ADGRL2: variants seen among roughly 807,000 people sequenced by gnomAD.
ADGRL2 encodes the protein adhesion G protein-coupled receptor L2, also known as calcium-independent alpha-latrotoxin receptor 2.
In ADGRL2, 44 loss-of-function variants were observed where a neutral mutation model predicts 157.4. The ratio of observed to expected loss-of-function variants is 0.28; its 90% CI spans 0.22 to 0.36. The LOEUF (loss-of-function observed/expected upper bound fraction) is 0.36, where lower values mean the gene tolerates loss of function less well. ADGRL2 is among the 10% of genes least tolerant of loss of function. The pLI, the probability that ADGRL2 is intolerant of heterozygous loss-of-function variation, is 1.00. For missense variants in ADGRL2, 1,510 were observed against 1,768.9 expected (o/e 0.85, Z 2.63); for synonymous variants, 585 against 624.7 (o/e 0.94, Z 0.95).
chr1:81,930,938 C>CTGCTG, intron 3 of ADGRL2, among the ~76,000 whole-genome samples: 1 of 151,918 alleles, frequency 6.6e-6, no homozygotes, highest in Non-Finnish European at 1.5e-5. Context: ...TTGAAACCAG[C>CTGCTG]CTGCCCAACA....
rs374466304 is a variant in ADGRL2, at chr1:81,467,464, A to G, written c.-248+22375A>G. On this transcript the variant is annotated intron_variant, in intron 2 of 24. Transcript: ENST00000370721. ...GAAAGCCAAAAGCACTAACCAAGAG[A>G]TTTTACAGCGCTCCAGTCAGAGCCT... Among the ~76,000 whole-genome samples the G allele has an allele frequency of 3.3e-4, 50 of 152,306 alleles. 1 individual carries two copies. In the Middle Eastern group the frequency reaches 0.02, roughly 62 times the overall value.
chr1:81,889,510 A>G (rs1484554529), intron 2 of ADGRL2, among the ~76,000 whole-genome samples: 3 of 152,208 alleles, frequency 2.0e-5, no homozygotes, highest in Non-Finnish European at 4.4e-5. Flanking sequence ...AGGAAAGTTT[A>G]CAGTTACCAG....
rs560438923 is a variant in ADGRL2, at chr1:81,580,132, A to G, written c.-247-744A>G. The stretch of plus-strand genomic sequence containing the variant: ...AACTGAATAAAAGCGGTAAATTAAG[A>G]CCAGACTTAACCATAGAGAAGCCGT... On this transcript the variant is annotated intron_variant, in intron 2 of 24. Coordinates refer to the ADGRL2 transcript ENST00000370721. Among the ~76,000 whole-genome samples the G allele has an allele frequency of 5.9e-5, 9 of 152,288 alleles. No individual in the cohort carries two copies. The South Asian group carries it at 1.5e-3, about 25-fold the overall frequency.
At chr1:81,397,926 G>T (rs1364554630) in intron 1 of ADGRL2, among the ~76,000 whole-genome samples, 2 of 152,092 alleles carry the variant, frequency 1.3e-5, no homozygotes, top group African/African-American at 4.8e-5. Flanking sequence ...TGAAGTCCCC[G>T]ACTATTATTG....
intron 1 of ADGRL2, among the ~76,000 whole-genome samples, chr1:81,337,743 G>T (rs1661758340): frequency 1.3e-5 from 2 of 152,102 alleles, no homozygotes; most frequent in African/African-American, 4.8e-5. Context: ...GCTAAAGAGA[G>T]TTGCCATTTA....
At chr1:81,463,136 AAAAAG>A (rs1196568234) in intron 2 of ADGRL2, among the ~76,000 whole-genome samples, 1 of 146,012 alleles carries the variant, frequency 6.8e-6, no homozygotes, top group Non-Finnish European at 1.5e-5. Flanking sequence ...AAAAAAAAAG[AAAAAG>A]AAAAGAAAAA....
intron 2 of ADGRL2, among the ~76,000 whole-genome samples, chr1:81,472,688 A>G (rs188918387): frequency 6.6e-6 from 1 of 152,330 alleles, no homozygotes; most frequent in African/African-American, 2.4e-5. Context: ...TTTAATCTCT[A>G]GTCTGTATAT....
intron 1 of ADGRL2, among the ~76,000 whole-genome samples, chr1:81,825,386 G>T (rs1308887788): frequency 1.3e-5 from 2 of 151,814 alleles, no homozygotes; most frequent in East Asian, 3.9e-4. Flanking sequence ...GTCTTGCTCT[G>T]TTGCCAGGCT....
intron 1 of ADGRL2, among the ~76,000 whole-genome samples, chr1:81,746,610 CT>C (rs1571046335): frequency 2.0e-5 from 3 of 151,950 alleles, no homozygotes; most frequent in African/African-American, 4.8e-5. Context: ...ATATTTAAAG[CT>C]GTTTAATCTA....
chr1:81,346,108 AAT>A (rs1241931094), intron 1 of ADGRL2, among the ~76,000 whole-genome samples: 3 of 152,222 alleles, frequency 2.0e-5, no homozygotes, highest in African/African-American at 7.2e-5. Flanking sequence ...CACGCTGATA[AAT>A]ATTAGAAATA....
At chr1:81,533,720 C>G (rs2079662026) in intron 2 of ADGRL2, among the ~76,000 whole-genome samples, 1 of 152,094 alleles carries the variant, frequency 6.6e-6, no homozygotes, top group African/African-American at 2.4e-5. Flanking sequence ...TGTGTGTAAA[C>G]TATAATTTAT....
intron 1 of ADGRL2, among the ~76,000 whole-genome samples, chr1:81,725,259 G>T (rs2084482254): frequency 6.7e-6 from 1 of 149,818 alleles, no homozygotes; most frequent in African/African-American, 2.5e-5. Context: ...TGCATTTGAC[G>T]CCAGGCACGG....
chr1:81,780,644 A>C (rs1247004796), intron 2 of ADGRL2, among the ~76,000 whole-genome samples: 1 of 152,186 alleles, frequency 6.6e-6, no homozygotes, highest in Non-Finnish European at 1.5e-5. Flanking sequence ...ATGGAATAAT[A>C]ATATCTGCCC....
intron 1 of ADGRL2, among the ~76,000 whole-genome samples, chr1:81,436,270 G>A (rs548254283): frequency 1.1e-3 from 167 of 152,206 alleles, no homozygotes; most frequent in African/African-American, 3.7e-3. Flanking sequence ...CGTACTTGCC[G>A]ACGACATCAC....
At chr1:81,501,895 C>A (rs1045560488) in intron 2 of ADGRL2, 2 of 1,610,964 alleles carry the variant, frequency 1.2e-6, no homozygotes, top group Non-Finnish European at 1.7e-6. Flanking sequence ...TGAGAGAAGC[C>A]CAGTTCTTGT....
chr1:81,506,111 G>A (rs72946965), intron 2 of ADGRL2: 261 of 156,792 alleles, frequency 1.7e-3, no homozygotes, highest in African/African-American at 5.8e-3. Flanking sequence ...CAGGTCAAGA[G>A]TAAACTTATT....
chr1:81,632,555 G>A (rs1427584674), intron 3 of ADGRL2, among the ~76,000 whole-genome samples: 3 of 152,008 alleles, frequency 2.0e-5, no homozygotes, highest in African/African-American at 7.2e-5. Context: ...TCAGGAGATC[G>A]AGACCATCCT....
chr1:81,444,503 T>A (rs998791649), intron 1 of ADGRL2, among the ~76,000 whole-genome samples: 1 of 152,222 alleles, frequency 6.6e-6, no homozygotes, highest in Non-Finnish European at 1.5e-5. Context: ...TGATTTGCCC[T>A]CACATCTGTG....
At chr1:81,617,150 C>CTTCT (rs1360455453) in intron 3 of ADGRL2, among the ~76,000 whole-genome samples, 2 of 152,230 alleles carry the variant, frequency 1.3e-5, no homozygotes, top group Non-Finnish European at 2.9e-5. Context: ...AGGAGGTGAA[C>CTTCT]TTCTATGAGC....
Sources: allele counts gnomAD v4.1 joint callset (sites outside exome capture counted in the v4.1 genomes callset), GRCh38; gene constraint gnomAD v4.1.1; transcripts MANE v1.5; gene names NCBI Gene and HGNC (gene_info 2026-07-23, HGNC 2026-07-21).